ADK: variants seen among roughly 807,000 people sequenced by gnomAD.
ADK encodes the protein N6,N6-dimethyladenosine kinase.
Under a neutral mutation model 44.7 loss-of-function variants are expected in ADK, and 24 were observed. The ratio of observed to expected loss-of-function variants is 0.54; its 90% CI spans 0.39 to 0.76. The LOEUF (loss-of-function observed/expected upper bound fraction) is 0.76. Among genes scored for constraint, ADK ranks in the 30% least tolerant of loss-of-function variants. The probability of loss-of-function intolerance (pLI) is 0.00; values close to 1 mark genes in which losing one functional copy is unlikely to be tolerated. For synonymous variants in ADK, 128 were observed against 142.6 expected, an observed-to-expected ratio of 0.90 and a Z score of 0.73; for missense variants, 321 against 425.1, an observed-to-expected ratio of 0.76 and a Z score of 2.15.
chr10:74,622,125 A>G (rs189973096), intron 9 of ADK, among the ~76,000 whole-genome samples: 2 of 152,026 alleles, frequency 1.3e-5, no homozygotes, highest in East Asian at 1.9e-4. Context: ...GGCCTACTTT[A>G]TTGTTTTCCC....
At chr10:74,657,627 A>C (rs773201907) in intron 9 of ADK, among the ~76,000 whole-genome samples, 4 of 152,194 alleles carry the variant, frequency 2.6e-5, no homozygotes, top group Non-Finnish European at 4.4e-5. Context: ...TCAAATGTAA[A>C]ACATATACCA....
chr10:74,655,156 C>A, intron 9 of ADK: 2 of 300,440 alleles, frequency 6.7e-6, no homozygotes, highest in South Asian at 3.6e-5. Flanking sequence ...TATCATCAGT[C>A]AGAAGAACCC....
In ADK at chr10:74,394,257, C is replaced by T. The variant is rs367937485; in HGVS notation, c.390C>T (p.Tyr130=). The T allele has an allele frequency of 5.1e-5, 83 of 1,613,930 alleles. 1 individual carries two copies. Among genetic ancestry groups the T allele is most frequent in the South Asian group, 4.3e-4 (39 of 91,084 alleles). ...AAGCCCATGTGGATGCTCATTACTA[C>T]GAGCAGAATGAGCAGCCAACAGGAA... is the stretch of plus-strand genomic sequence containing the variant. ...AAEAHVDAHY[Y]EQNEQPTGTC... The change falls in exon 5 of 11, where the codon TAC becomes TAT. Residue 130 remains tyrosine (Y), a synonymous_variant. Coordinates refer to ENST00000539909, the MANE Select transcript of ADK (RefSeq NM_006721.4).
intron 9 of ADK, among the ~76,000 whole-genome samples, chr10:74,664,758 C>T (rs1320222368): frequency 6.6e-6 from 1 of 152,132 alleles, no homozygotes; most frequent in Non-Finnish European, 1.5e-5. Flanking sequence ...AAGGATATCG[C>T]TTGAACCTGG....
chr10:74,591,761 A>G (rs761740760), intron 8 of ADK, among the ~76,000 whole-genome samples: 29 of 152,186 alleles, frequency 1.9e-4, no homozygotes, highest in Non-Finnish European at 1.8e-4. Context: ...AATTTGGAGC[A>G]TGAATGAGAA....
intron 2 of ADK, among the ~76,000 whole-genome samples, chr10:74,219,894 C>CTAAA (rs1210434472): frequency 2.0e-5 from 3 of 150,064 alleles, no homozygotes; most frequent in Non-Finnish European, 4.4e-5. Flanking sequence ...ATTTATAGCA[C>CTAAA]TAAATGCCCA....
chr10:74,217,795 A>G (rs1338982880), intron 2 of ADK, among the ~76,000 whole-genome samples: 1 of 152,164 alleles, frequency 6.6e-6, no homozygotes, highest in Non-Finnish European at 1.5e-5. Context: ...ACTCCAACAG[A>G]CCTGCAGCTG....
chr10:74,224,699 T>A, intron 3 of ADK, 108 bp downstream of exon 3: 1 of 864,346 alleles, frequency 1.2e-6, no homozygotes. Flanking sequence ...CAAAGTATAA[T>A]TAACACTATG....
chr10:74,197,470 C>T (rs938645296), intron 1 of ADK, among the ~76,000 whole-genome samples: 2 of 152,024 alleles, frequency 1.3e-5, no homozygotes, highest in African/African-American at 2.4e-5. Context: ...AGGCCCAAGG[C>T]GGGTGGATCA....
At chr10:74,424,608 C>T (rs983143060) in intron 6 of ADK, among the ~76,000 whole-genome samples, 7 of 148,716 alleles carry the variant, frequency 4.7e-5, no homozygotes, top group Non-Finnish European at 1.5e-5. Context: ...AACCATTATC[C>T]TAAATTTTAT....
chr10:74,504,737 A>G (rs371804227), intron 6 of ADK, among the ~76,000 whole-genome samples: 1 of 152,050 alleles, frequency 6.6e-6, no homozygotes, highest in African/African-American at 2.4e-5. Context: ...TTCTTGTGAT[A>G]GTGAGTTCTC....
chr10:74,590,279 A>G (rs1269962562), intron 8 of ADK, among the ~76,000 whole-genome samples: 2 of 152,190 alleles, frequency 1.3e-5, no homozygotes, highest in Admixed American at 1.3e-4. Flanking sequence ...TTTTATTTGC[A>G]TATTCAGTAT....
At chr10:74,667,716 T>G (rs976238906) in intron 9 of ADK, among the ~76,000 whole-genome samples, 1 of 151,710 alleles carries the variant, frequency 6.6e-6, no homozygotes, top group South Asian at 2.1e-4. Context: ...TTTGTATTTT[T>G]AGTGGAGCCG....
chr10:74,662,939 T>A (rs989027212), intron 9 of ADK, among the ~76,000 whole-genome samples: 3 of 152,068 alleles, frequency 2.0e-5, no homozygotes, highest in Non-Finnish European at 4.4e-5. Flanking sequence ...TATTAATATC[T>A]CAAATTAGGC....
intron 4 of ADK, among the ~76,000 whole-genome samples, chr10:74,365,392 G>C (rs1842466239): frequency 6.6e-6 from 1 of 152,130 alleles, no homozygotes; most frequent in Admixed American, 6.5e-5. Context: ...GACCTTTTCT[G>C]TCTGGTCTTT....
intron 3 of ADK, among the ~76,000 whole-genome samples, chr10:74,268,420 C>G (rs1289497160): frequency 3.3e-5 from 5 of 150,500 alleles, no homozygotes; most frequent in South Asian, 2.1e-4. Flanking sequence ...TTTGTTTTTA[C>G]TTTAATCTCA....
chr10:74,706,256 T>G (rs1381169380), intron 10 of ADK, among the ~76,000 whole-genome samples: 1 of 152,192 alleles, frequency 6.6e-6, no homozygotes, highest in African/African-American at 2.4e-5. Flanking sequence ...CACTCCAGCC[T>G]GGGTGATAGT....
chr10:74,195,668 TTTTCTTTCTTTCTTTC>T (rs146395490), intron 1 of ADK, among the ~76,000 whole-genome samples: 2 of 143,136 alleles, frequency 1.4e-5, no homozygotes, highest in South Asian at 2.2e-4. Context: ...ATATTTTTCT[TTTTCTTTCTTTCTTTC>T]TTTCTTTCTT....
chr10:74,568,756 T>C (rs1413240600), intron 7 of ADK, among the ~76,000 whole-genome samples: 1 of 152,106 alleles, frequency 6.6e-6, no homozygotes, highest in Non-Finnish European at 1.5e-5. Flanking sequence ...GTATAATAGT[T>C]ATTTGTACTT....
Sources: gnomAD v4.1 joint callset for allele counts (sites outside exome capture counted in the v4.1 genomes callset) on GRCh38, gnomAD v4.1.1 for gene constraint, MANE v1.5 for transcripts, NCBI Gene and HGNC (gene_info 2026-07-23, HGNC 2026-07-21) for gene names.